ATG10: variants seen among roughly 807,000 people sequenced by gnomAD.
ATG10 encodes ubiquitin-like-conjugating enzyme ATG10.
Under a neutral mutation model 32.1 loss-of-function variants are expected in ATG10, and 30 were observed. The observed-to-expected ratio is 0.94, with a 90% CI of 0.70 to 1.27. ATG10 has a LOEUF of 1.27. Ranked by LOEUF, ATG10 falls within the 50% of genes most tolerant of loss-of-function variation. The probability of loss-of-function intolerance (pLI) is 0.00; values close to 1 mark genes in which losing one functional copy is unlikely to be tolerated. For missense variants in ATG10, 233 were observed against 262.3 expected (o/e 0.89, Z 0.77); for synonymous variants, 87 against 91.5 (o/e 0.95, Z 0.28).
intron 3 of ATG10, among the ~76,000 whole-genome samples, chr5:82,150,142 A>C (rs1767532139): frequency 6.8e-6 from 1 of 146,488 alleles, no homozygotes. Flanking sequence ...CTATAGAGGC[A>C]CAAGAATGCT....
chr5:82,204,644 G>A (rs1462057031), intron 5 of ATG10, among the ~76,000 whole-genome samples: 3 of 152,170 alleles, frequency 2.0e-5, no homozygotes, highest in East Asian at 1.9e-4. Context: ...AAACTAGGAT[G>A]ATGGCCTACA....
intron 3 of ATG10, among the ~76,000 whole-genome samples, chr5:82,149,074 T>G (rs1368922715): frequency 5.9e-5 from 9 of 152,138 alleles, no homozygotes; most frequent in Non-Finnish European, 1.3e-4. Context: ...CACTTTAAAC[T>G]CTAGTTCTGC....
At chr5:82,234,573 G>A (rs1042477759) in intron 5 of ATG10, among the ~76,000 whole-genome samples, 3 of 152,298 alleles carry the variant, frequency 2.0e-5, no homozygotes, top group Admixed American at 6.5e-5. Flanking sequence ...TGAAGGTCAC[G>A]CTAGCTCTGA....
intron 4 of ATG10, among the ~76,000 whole-genome samples, chr5:82,176,247 T>C (rs958373925): frequency 5.9e-5 from 9 of 152,182 alleles, no homozygotes; most frequent in Admixed American, 2.6e-4. Context: ...GCATTTGCAG[T>C]GCCTCTGCCC....
chr5:82,076,119 T>C (rs1038875611), intron 3 of ATG10, among the ~76,000 whole-genome samples: 1 of 152,222 alleles, frequency 6.6e-6, no homozygotes, highest in Non-Finnish European at 1.5e-5. Context: ...TTTGCTTAAT[T>C]TCATTTTTTT....
intron 1 of ATG10, among the ~76,000 whole-genome samples, chr5:81,983,672 G>A (rs529014036): frequency 6.6e-6 from 1 of 151,782 alleles, no homozygotes; most frequent in Non-Finnish European, 1.5e-5. Flanking sequence ...CGGACGGGGT[G>A]GCTGCCGGGC....
intron 2 of ATG10, among the ~76,000 whole-genome samples, chr5:82,023,098 G>A (rs1405045560): frequency 6.6e-6 from 1 of 151,456 alleles, no homozygotes; most frequent in Non-Finnish European, 1.5e-5. Flanking sequence ...TCTTATCAAT[G>A]TGTAGAATTG....
At chr5:82,113,404 A>G (rs1238390132) in intron 3 of ATG10, among the ~76,000 whole-genome samples, 4 of 151,964 alleles carry the variant, frequency 2.6e-5, no homozygotes, top group African/African-American at 9.7e-5. Context: ...TATAATAGAG[A>G]TAAAGTATTA....
At chr5:82,027,407 G>A (rs1316218796) in intron 2 of ATG10, among the ~76,000 whole-genome samples, 1 of 151,964 alleles carries the variant, frequency 6.6e-6, no homozygotes, top group Non-Finnish European at 1.5e-5. Flanking sequence ...TCAAAAAAAA[G>A]AGAAAATCAA....
At chr5:82,158,057 AATAAAAT>A (rs1306180458) in intron 3 of ATG10, among the ~76,000 whole-genome samples, 3 of 152,202 alleles carry the variant, frequency 2.0e-5, no homozygotes, top group African/African-American at 7.2e-5. Flanking sequence ...GTTTGCTTTC[AATAAAAT>A]AGCTGTGAAG....
chr5:82,086,124 A>G (rs1240621561), intron 3 of ATG10, among the ~76,000 whole-genome samples: 1 of 152,190 alleles, frequency 6.6e-6, no homozygotes, highest in Non-Finnish European at 1.5e-5. Context: ...ACCATTTCCC[A>G]TTATTTACTA....
chr5:82,226,317 A>G (rs1399785595), intron 5 of ATG10, among the ~76,000 whole-genome samples: 1 of 152,174 alleles, frequency 6.6e-6, no homozygotes, highest in Non-Finnish European at 1.5e-5. Context: ...ATGCTTCAAC[A>G]CATACATTTC....
intron 1 of ATG10, among the ~76,000 whole-genome samples, chr5:81,976,023 T>C (rs1473164224): frequency 1.9e-4 from 29 of 150,378 alleles, no homozygotes; most frequent in African/African-American, 7.1e-4. Flanking sequence ...TTTTTTGAGA[T>C]GGAGTCTCAC....
At chr5:81,989,004 G>T (rs1264787415) in intron 2 of ATG10, among the ~76,000 whole-genome samples, 2 of 151,750 alleles carry the variant, frequency 1.3e-5, no homozygotes, top group African/African-American at 4.8e-5. Flanking sequence ...GCTAATTTTT[G>T]TATTTTTAGT....
At chr5:82,016,752 G>A (rs1282369182) in intron 2 of ATG10, among the ~76,000 whole-genome samples, 3 of 150,974 alleles carry the variant, frequency 2.0e-5, no homozygotes, top group African/African-American at 7.3e-5. Context: ...GCAGTGGCAT[G>A]ATCTCAGCTC....
intron 3 of ATG10, among the ~76,000 whole-genome samples, chr5:82,089,090 G>A (rs560017735): frequency 6.6e-5 from 10 of 152,170 alleles, no homozygotes; most frequent in African/African-American, 2.4e-4. Context: ...GGTGGCTCAC[G>A]CCTGTAATCC....
At chr5:82,006,788 T>C (rs1417648170) in intron 2 of ATG10, among the ~76,000 whole-genome samples, 1 of 152,214 alleles carries the variant, frequency 6.6e-6, no homozygotes, top group Admixed American at 6.5e-5. Flanking sequence ...CCCCTTCTAC[T>C]TTCTATCTTT....
rs559149859 is a variant in ATG10 at position 82,074,293 on chromosome 5, C to T, written c.216+15691C>T. Among the ~76,000 whole-genome samples, 12 of 152,246 alleles carry T rather than the reference C, an allele frequency of 7.9e-5. No homozygotes were observed. In the South Asian group the frequency reaches 1.2e-3, roughly 16 times the overall value. ...AATTTAATTGTAAGACTTAGAAAAACGTAAACGCCATCTCACAATGTGAAA... is the reference window on the plus strand; with the variant it reads ...AATTTAATTGTAAGACTTAGAAAAATGTAAACGCCATCTCACAATGTGAAA... On this transcript the variant is annotated intron_variant, in intron 3 of 7. Transcript: ENST00000282185.
intron 3 of ATG10, among the ~76,000 whole-genome samples, chr5:82,067,067 A>G (rs758637827): frequency 6.6e-6 from 1 of 152,176 alleles, no homozygotes; most frequent in Non-Finnish European, 1.5e-5. Context: ...GAATGAATGA[A>G]TCTAATGCTG....
Sources: allele counts gnomAD v4.1 joint callset (sites outside exome capture counted in the v4.1 genomes callset), GRCh38; gene constraint gnomAD v4.1.1; transcripts MANE v1.5; gene names NCBI Gene and HGNC (gene_info 2026-07-23, HGNC 2026-07-21).